PCDH15: variants seen among roughly 807,000 people sequenced by gnomAD.
PCDH15 encodes the protein protocadherin-15.
In PCDH15, 129 loss-of-function variants were observed where a neutral mutation model predicts 178.5. The ratio of observed to expected loss-of-function variants is 0.72; its 90% CI spans 0.63 to 0.84. The LOEUF is 0.84. Among genes scored for constraint, PCDH15 ranks in the 40% least tolerant of loss-of-function variants. The pLI is 0.00. For missense variants in PCDH15, 2,230 were observed against 2,099.9 expected, an observed-to-expected ratio of 1.06 and a Z score of -1.21; for synonymous variants, 800 against 732.0, an observed-to-expected ratio of 1.09 and a Z score of -1.50.
At position 55,064,042 on chromosome 10, in the gene PCDH15, A is replaced by ATT. The variant is rs1591871228; in HGVS notation, c.-80+102532_-80+102533dup. Among the ~76,000 whole-genome samples the ATT allele has an allele frequency of 4.6e-5, 7 of 152,250 alleles. No individual in the cohort carries two copies. In the East Asian group the frequency reaches 1.4e-3, roughly 29 times the overall value. The stretch of plus-strand genomic sequence containing the variant: ...ATGTTATGTACAAGGAATAGTTCCT[A>ATT]TTTTGCCAGGTTTCTACAGTTGTGA... On this transcript the variant is annotated intron_variant, in intron 2 of 5. Transcript: ENST00000458638.
At chr10:55,333,251 C>A (rs1016704249) in intron 2 of PCDH15, among the ~76,000 whole-genome samples, 7 of 152,030 alleles carry the variant, frequency 4.6e-5, no homozygotes, top group African/African-American at 1.7e-4. Flanking sequence ...TATAAACAAA[C>A]AAATGAACAG....
intron 1 of PCDH15, among the ~76,000 whole-genome samples, chr10:55,238,429 C>A (rs951470121): frequency 1.3e-5 from 2 of 152,062 alleles, no homozygotes; most frequent in Non-Finnish European, 2.9e-5. Context: ...GGATTAAAGG[C>A]GTGAGCCACC....
intron 1 of PCDH15, among the ~76,000 whole-genome samples, chr10:55,179,077 C>T (rs532665523): frequency 1.1e-4 from 16 of 152,220 alleles, no homozygotes. Flanking sequence ...TACTTAACCT[C>T]CTTGTAAAAT....
At chr10:55,212,523 C>G (rs1480030312) in intron 1 of PCDH15, among the ~76,000 whole-genome samples, 1 of 152,008 alleles carries the variant, frequency 6.6e-6, no homozygotes, top group Non-Finnish European at 1.5e-5. Context: ...GAAACTGTTT[C>G]AGAAAGAGAT....
rs541140325 is a variant in PCDH15 at position 55,475,751 on chromosome 10, A to G, written c.-156+151874T>C. Reference sequence around the variant, plus strand: ...TGCAAATATGCCAAATTAAAAAAGAAAATCAAAATTCAAAACACTTTGGTC... The same window carrying G: ...TGCAAATATGCCAAATTAAAAAAGAGAATCAAAATTCAAAACACTTTGGTC... On this transcript the variant is annotated intron_variant, in intron 2 of 5. Transcript: ENST00000613346. 2.7e-4 allele frequency among the ~76,000 whole-genome samples: 41 copies of G among 152,302 alleles called. 1 individual carries two copies. The highest frequency in any genetic ancestry group is 9.6e-4 in the African/African-American group (40 of 41,568).
intron 2 of PCDH15, among the ~76,000 whole-genome samples, chr10:55,408,191 CT>C (rs71014483): frequency 0.59 from 84,538 of 142,700 alleles, 25,119 homozygotes; most frequent in African/African-American, 0.71. Flanking sequence ...ATTCTTTTTT[CT>C]TTTTTTTTTT....
At chr10:54,043,882 G>A (rs1243606532) in intron 18 of PCDH15, among the ~76,000 whole-genome samples, 1 of 152,070 alleles carries the variant, frequency 6.6e-6, no homozygotes, top group Non-Finnish European at 1.5e-5. Context: ...CCCTCGCCTG[G>A]AGATCAGGTA....
chr10:53,983,828 C>A (rs186263385), intron 21 of PCDH15, among the ~76,000 whole-genome samples: 275 of 152,222 alleles, frequency 1.8e-3, no homozygotes, highest in African/African-American at 6.3e-3. Flanking sequence ...TAATTAGTGA[C>A]CCTATATTCT....
intron 1 of PCDH15, among the ~76,000 whole-genome samples, chr10:54,697,709 G>C (rs9665696): frequency 7.3e-6 from 1 of 137,662 alleles, no homozygotes; most frequent in African/African-American, 2.7e-5. Context: ...GGAAGGGAGG[G>C]AGGAAGGGAG....
chr10:55,053,034 C>T (rs1262916138), intron 2 of PCDH15, among the ~76,000 whole-genome samples: 2 of 152,082 alleles, frequency 1.3e-5, no homozygotes, highest in East Asian at 3.9e-4. Flanking sequence ...GACAAGGAAC[C>T]TCATCTCTAA....
At chr10:54,872,090 T>A (rs894424903) in intron 3 of PCDH15, among the ~76,000 whole-genome samples, 1 of 152,108 alleles carries the variant, frequency 6.6e-6, no homozygotes, top group African/African-American at 2.4e-5. Flanking sequence ...AAATAAAGTG[T>A]CTTTAAGTCC....
At chr10:55,080,428 T>A (rs2250878) in intron 2 of PCDH15, among the ~76,000 whole-genome samples, 62,350 of 151,752 alleles carry the variant, frequency 0.41, 15,868 homozygotes, top group African/African-American at 0.73. Context: ...CTGTGGAAAA[T>A]TTTTCTCCCA....
At chr10:54,972,842 C>A (rs1476554073) in intron 2 of PCDH15, among the ~76,000 whole-genome samples, 21 of 119,232 alleles carry the variant, frequency 1.8e-4, no homozygotes, top group Admixed American at 1.0e-3. Context: ...GAGTGAGACT[C>A]CATCTCAAAA....
At chr10:55,145,578 A>G (rs1838485023) in intron 2 of PCDH15, among the ~76,000 whole-genome samples, 1 of 151,960 alleles carries the variant, frequency 6.6e-6, no homozygotes, top group South Asian at 2.1e-4. Context: ...AGGAATATAT[A>G]TATCTTTGCT....
chr10:54,242,447 A>G (rs1439115395), intron 8 of PCDH15, among the ~76,000 whole-genome samples: 1 of 151,800 alleles, frequency 6.6e-6, no homozygotes, highest in Non-Finnish European at 1.5e-5. Flanking sequence ...AACCTATTAT[A>G]TCATCCCTAA....
At position 54,517,864 on chromosome 10, in the gene PCDH15, T is replaced by G. The variant is rs181797764; in HGVS notation, c.157+9948A>C. 7.0e-4 allele frequency among the ~76,000 whole-genome samples: 107 copies of G among 152,304 alleles called. 1 individual carries two copies. In the Middle Eastern group the frequency reaches 0.02, roughly 29 times the overall value. ...AACAGAAATTATAACAAATTGTCTC[T>G]CAGACCACAGTGCAATCAAACTAGA... is the stretch of plus-strand genomic sequence containing the variant. On this transcript the variant is annotated intron_variant, in intron 3 of 37. Transcript: ENST00000644397.
intron 9 of PCDH15, among the ~76,000 whole-genome samples, chr10:54,220,351 G>A (rs2052639188): frequency 6.6e-6 from 1 of 152,172 alleles, no homozygotes; most frequent in South Asian, 2.1e-4. Context: ...CAGAAGTTAA[G>A]TAAAATATTC....
chr10:55,467,966 C>CAAAAAAAAAAAAAAAAAAAAAAAAAAA (rs71463104), intron 2 of PCDH15, among the ~76,000 whole-genome samples: 10 of 36,636 alleles, frequency 2.7e-4, no homozygotes, highest in Non-Finnish European at 4.5e-4. Context: ...GACTCCGTCT[C>CAAAAAAAAAAAAAAAAAAAAAAAAAAA]AAAAAAAAAA....
intron 2 of PCDH15, among the ~76,000 whole-genome samples, chr10:55,382,411 T>C (rs1378853788): frequency 6.6e-6 from 1 of 152,180 alleles, no homozygotes; most frequent in Non-Finnish European, 1.5e-5. Flanking sequence ...CTGTGAAGTC[T>C]AAGTGATGCT....
Sources: gnomAD v4.1 joint callset for allele counts (sites outside exome capture counted in the v4.1 genomes callset) on GRCh38, gnomAD v4.1.1 for gene constraint, MANE v1.5 for transcripts, NCBI Gene and HGNC (gene_info 2026-07-23, HGNC 2026-07-21) for gene names.